Variants in COL24A1 observed in about 807,000 individuals in gnomAD.
COL24A1 encodes collagen alpha-1(XXIV) chain.
A neutral mutation model predicts 253.9 loss-of-function variants in COL24A1; 224 were observed. The ratio of observed to expected loss-of-function variants is 0.88; its 90% CI spans 0.79 to 0.99. The LOEUF is 0.99. COL24A1 is among the 50% of genes least tolerant of loss of function. COL24A1 has a pLI of 0.00. For missense variants in COL24A1, 2,131 were observed against 2,068.5 expected (o/e 1.03, Z -0.59); for synonymous variants, 685 against 673.7 (o/e 1.02, Z -0.26).
chr1:85,933,613 G>A (rs552417199), intron 24 of COL24A1, among the ~76,000 whole-genome samples: 3 of 152,178 alleles, frequency 2.0e-5, no homozygotes, highest in African/African-American at 7.2e-5. Context: ...AGACTAAGGT[G>A]CTGTGACTTA....
At chr1:85,914,307 T>C (rs1685654806) in intron 24 of COL24A1, among the ~76,000 whole-genome samples, 2 of 42,108 alleles carry the variant, frequency 4.7e-5, no homozygotes, top group Non-Finnish European at 1.1e-4. Flanking sequence ...GTCATGAATG[T>C]GTGTGTGTGT....
At chr1:85,814,235 C>A (rs1203547643) in intron 47 of COL24A1, among the ~76,000 whole-genome samples, 1 of 152,090 alleles carries the variant, frequency 6.6e-6, no homozygotes, top group Non-Finnish European at 1.5e-5. Context: ...CCTTAAGACC[C>A]CTTCATTCTT....
At chr1:85,895,806 C>A (rs1283066355) in intron 31 of COL24A1, 52 bp downstream of exon 31, 1 of 1,479,892 alleles carries the variant, frequency 6.8e-7, no homozygotes, top group East Asian at 2.3e-5. Flanking sequence ...GCCCCTTTCC[C>A]CCAAAAATGC....
At chr1:86,124,518 T>C (rs1046648552) in intron 3 of COL24A1, among the ~76,000 whole-genome samples, 5 of 152,080 alleles carry the variant, frequency 3.3e-5, no homozygotes, top group Middle Eastern at 6.8e-3. Flanking sequence ...AAAATATAAA[T>C]ATATTATCTA....
chr1:85,868,865 GT>G (rs11383457), intron 35 of COL24A1, 30 bp from the exon 36 acceptor site: 429 of 1,465,160 alleles, frequency 2.9e-4, no homozygotes, highest in African/African-American at 1.5e-3. Flanking sequence ...GTATGATTGA[GT>G]TTTTTTTTGC....
chr1:85,908,102 A>G (rs1380521011), intron 27 of COL24A1, among the ~76,000 whole-genome samples: 1 of 151,848 alleles, frequency 6.6e-6, no homozygotes, highest in African/African-American at 2.4e-5. Flanking sequence ...AGTTCATAAT[A>G]GCTGTCAGAT....
intron 12 of COL24A1, among the ~76,000 whole-genome samples, chr1:86,038,590 C>T (rs879883776): frequency 9.9e-5 from 15 of 152,092 alleles, no homozygotes; most frequent in Admixed American, 2.6e-4. Flanking sequence ...GTAGTCCAGA[C>T]GCACCCTGAA....
chr1:85,879,803 A>T (rs1072508), intron 32 of COL24A1, among the ~76,000 whole-genome samples: 2 of 152,012 alleles, frequency 1.3e-5, no homozygotes, highest in African/African-American at 2.4e-5. Context: ...GGTTGTTCTC[A>T]CTGTCTCAGG....
intron 7 of COL24A1, among the ~76,000 whole-genome samples, chr1:86,080,839 A>C (rs1208790891): frequency 6.6e-6 from 1 of 152,138 alleles, no homozygotes; most frequent in Non-Finnish European, 1.5e-5. Context: ...AAAATGTTTA[A>C]TCATAAGGAA....
At chr1:85,911,566 C>T in intron 24 of COL24A1, 133 bp from the exon 25 acceptor site, 2 of 757,314 alleles carry the variant, frequency 2.6e-6, no homozygotes, top group Non-Finnish European at 4.6e-6. Flanking sequence ...TAAAATTCCT[C>T]CTTGTATAGC....
chr1:85,767,182 C>T (rs1407696374), intron 53 of COL24A1, among the ~76,000 whole-genome samples: 1 of 151,898 alleles, frequency 6.6e-6, no homozygotes, highest in Non-Finnish European at 1.5e-5. Flanking sequence ...GATCTTTGTG[C>T]AAAGACTTAA....
chr1:86,067,264 T>C (rs1701568023), intron 7 of COL24A1, among the ~76,000 whole-genome samples: 1 of 152,056 alleles, frequency 6.6e-6, no homozygotes, highest in Admixed American at 6.6e-5. Flanking sequence ...AAAACAAAGA[T>C]GGGACTCTGG....
At chr1:86,081,340 T>C (rs927313004) in intron 7 of COL24A1, among the ~76,000 whole-genome samples, 1 of 151,944 alleles carries the variant, frequency 6.6e-6, no homozygotes, top group Non-Finnish European at 1.5e-5. Context: ...TGTCACTTCC[T>C]CTGGAACATC....
intron 12 of COL24A1, among the ~76,000 whole-genome samples, chr1:86,046,222 A>G (rs573482828): frequency 4.6e-5 from 7 of 152,328 alleles, no homozygotes; most frequent in Non-Finnish European, 5.9e-5. Context: ...CTCACTTTTT[A>G]TCTTCACAGA....
rs1480618292 is a variant in COL24A1, at chr1:85,824,445, G to C, written c.3682-707C>G. On this transcript the variant is annotated intron_variant, in intron 43 of 59. Transcript: ENST00000370571. ...GTCAATAACCAAAGGAACAGAGTTTGAGAATACATTTCTTTTTCAACCTCT... is the reference window on the plus strand; with the variant it reads ...GTCAATAACCAAAGGAACAGAGTTTCAGAATACATTTCTTTTTCAACCTCT... 2.0e-5 allele frequency among the ~76,000 whole-genome samples: 3 copies of C among 152,178 alleles called. No individual in the cohort carries two copies. The East Asian group carries it at 5.8e-4, about 29-fold the overall frequency.
intron 7 of COL24A1, among the ~76,000 whole-genome samples, chr1:86,075,062 G>A (rs1702152371): frequency 6.6e-6 from 1 of 151,746 alleles, no homozygotes; most frequent in Non-Finnish European, 1.5e-5. Flanking sequence ...GAAGGAGATA[G>A]AGACACGAAA....
intron 24 of COL24A1, among the ~76,000 whole-genome samples, chr1:85,939,202 A>G (rs551235771): frequency 1.3e-5 from 2 of 152,320 alleles, no homozygotes; most frequent in African/African-American, 4.8e-5. Context: ...TCTTGAGAAC[A>G]TTGGAAACAA....
chr1:85,828,052 G>T (rs1216665985), intron 43 of COL24A1, among the ~76,000 whole-genome samples: 1 of 151,878 alleles, frequency 6.6e-6, no homozygotes, highest in Admixed American at 6.6e-5. Context: ...TTCTCTTCTG[G>T]GCATTTAGTG....
At chr1:85,765,122 C>T (rs1018971782) in intron 53 of COL24A1, among the ~76,000 whole-genome samples, 16 of 152,082 alleles carry the variant, frequency 1.1e-4, no homozygotes, top group African/African-American at 3.9e-4. Context: ...ATATTTAGGA[C>T]CTATTTCCCA....
Sources: allele counts gnomAD v4.1 joint callset (sites outside exome capture counted in the v4.1 genomes callset), GRCh38; gene constraint gnomAD v4.1.1; transcripts MANE v1.5; gene names NCBI Gene and HGNC (gene_info 2026-07-23, HGNC 2026-07-21).